ZNF521: variants seen among roughly 807,000 people sequenced by gnomAD.
The protein encoded by ZNF521 is LYST-interacting protein 3.
ZNF521 carries 14 observed loss-of-function variants against 105.5 expected under a neutral mutation model. The ratio of observed to expected loss-of-function variants is 0.13; its 90% CI spans 0.09 to 0.21. The LOEUF is 0.21. Among genes scored for constraint, ZNF521 ranks in the 10% least tolerant of loss-of-function variants. The pLI, the probability that ZNF521 is intolerant of heterozygous loss-of-function variation, is 1.00. For synonymous variants in ZNF521, 635 were observed against 606.0 expected, an observed-to-expected ratio of 1.05 and a Z score of -0.70; for missense variants, 1,233 against 1,629.7, an observed-to-expected ratio of 0.76 and a Z score of 4.19.
chr18:25,179,117 T>C (rs12606596), intron 5 of ZNF521, among the ~76,000 whole-genome samples: 3 of 10,284 alleles, frequency 2.9e-4, no homozygotes, highest in East Asian at 3.6e-3. Flanking sequence ...TCTTTATTCC[T>C]TTTTTTTTTT....
chr18:25,219,561 C>T (rs148263833), intron 4 of ZNF521, among the ~76,000 whole-genome samples: 121 of 152,174 alleles, frequency 8.0e-4, no homozygotes, highest in Middle Eastern at 3.4e-3. Context: ...AATTAGCTCA[C>T]GCCTGTAATC....
At chr18:25,071,987 GGGGCAGA>G (rs936580704) in intron 7 of ZNF521, among the ~76,000 whole-genome samples, 1 of 152,194 alleles carries the variant, frequency 6.6e-6, no homozygotes, top group African/African-American at 2.4e-5. Context: ...CAGAAGGCAG[GGGGCAGA>G]GGGCAGAGGG....
chr18:25,087,807 A>G (rs940433648), intron 7 of ZNF521, among the ~76,000 whole-genome samples: 1 of 152,244 alleles, frequency 6.6e-6, no homozygotes, highest in Non-Finnish European at 1.5e-5. Flanking sequence ...ATACAAGGTA[A>G]GATAGTAACT....
chr18:25,338,602 G>T (rs1914031140), intron 2 of ZNF521, among the ~76,000 whole-genome samples: 1 of 152,022 alleles, frequency 6.6e-6, no homozygotes, highest in Non-Finnish European at 1.5e-5. Context: ...GGTAAAGATG[G>T]GGATTCACCA....
intron 2 of ZNF521, among the ~76,000 whole-genome samples, chr18:25,325,181 T>C (rs1024619969): frequency 6.6e-6 from 1 of 152,208 alleles, no homozygotes; most frequent in Non-Finnish European, 1.5e-5. Context: ...GCCTCTACTT[T>C]CATGAAAAAC....
intron 3 of ZNF521, among the ~76,000 whole-genome samples, chr18:25,229,240 G>A (rs1906375635): frequency 6.6e-6 from 1 of 152,112 alleles, no homozygotes; most frequent in African/African-American, 2.4e-5. Context: ...AACAGATGAG[G>A]ATCATTCCTT....
At chr18:25,173,794 A>G (rs530016699) in intron 5 of ZNF521, among the ~76,000 whole-genome samples, 1 of 152,210 alleles carries the variant, frequency 6.6e-6, no homozygotes, top group Non-Finnish European at 1.5e-5. Flanking sequence ...TTTCTTTAAC[A>G]CAGAACATCC....
intron 5 of ZNF521, among the ~76,000 whole-genome samples, chr18:25,168,167 C>T (rs2035380858): frequency 6.6e-6 from 1 of 152,118 alleles, no homozygotes; most frequent in Non-Finnish European, 1.5e-5. Flanking sequence ...TGGCCCGTCC[C>T]TCTAGGGAGC....
chr18:25,340,815 T>C (rs150420290), intron 2 of ZNF521, among the ~76,000 whole-genome samples: 3 of 152,324 alleles, frequency 2.0e-5, no homozygotes, highest in East Asian at 3.9e-4. Context: ...AAAGCCACCA[T>C]AGAGGTCTGC....
At chr18:25,109,281 C>T (rs151148970) in intron 5 of ZNF521, among the ~76,000 whole-genome samples, 34 of 152,260 alleles carry the variant, frequency 2.2e-4, no homozygotes, top group South Asian at 8.3e-4. Context: ...GCAAAGGACA[C>T]GACTTCATTC....
At chr18:25,218,848 C>CA (rs990434655) in intron 4 of ZNF521, among the ~76,000 whole-genome samples, 6 of 151,574 alleles carry the variant, frequency 4.0e-5, no homozygotes, top group Admixed American at 6.6e-5. Context: ...CACTCCATCT[C>CA]AAAAAAAAGA....
At chr18:25,271,568 A>G (rs1909663373) in intron 3 of ZNF521, among the ~76,000 whole-genome samples, 1 of 152,216 alleles carries the variant, frequency 6.6e-6, no homozygotes, top group Non-Finnish European at 1.5e-5. Context: ...ACCAAAACAG[A>G]TATATAGACC....
intron 7 of ZNF521, among the ~76,000 whole-genome samples, chr18:25,074,828 C>T (rs1256556834): frequency 6.6e-6 from 1 of 152,098 alleles, no homozygotes; most frequent in Non-Finnish European, 1.5e-5. Context: ...TTTCCTCACC[C>T]CTTATGGTGC....
chr18:25,298,708 A>C (rs1911458489), intron 3 of ZNF521, among the ~76,000 whole-genome samples: 1 of 152,164 alleles, frequency 6.6e-6, no homozygotes. Flanking sequence ...TTCAGCAACA[A>C]TAATCATGAT....
At chr18:25,350,093 T>A (rs1476064254) in intron 2 of ZNF521, among the ~76,000 whole-genome samples, 3 of 151,542 alleles carry the variant, frequency 2.0e-5, no homozygotes, top group African/African-American at 7.3e-5. Context: ...AACACAGCCA[T>A]CAGATCGATA....
chr18:25,299,607 G>A (rs563350661), intron 3 of ZNF521, among the ~76,000 whole-genome samples: 3 of 152,148 alleles, frequency 2.0e-5, no homozygotes, highest in South Asian at 2.1e-4. Context: ...TACTGGTCAG[G>A]GTGAGAAACC....
At chr18:25,243,643 G>C (rs1040026218) in intron 3 of ZNF521, among the ~76,000 whole-genome samples, 3 of 152,130 alleles carry the variant, frequency 2.0e-5, no homozygotes, top group Non-Finnish European at 4.4e-5. Flanking sequence ...TCAGAAGATT[G>C]CTTAGATCAT....
intron 5 of ZNF521, among the ~76,000 whole-genome samples, chr18:25,140,238 A>T (rs899911752): frequency 1.3e-4 from 20 of 152,164 alleles, no homozygotes; most frequent in Non-Finnish European, 2.9e-5. Flanking sequence ...TCCCTTTCTT[A>T]TTCCACTCAG....
At chr18:25,211,449 C>T (rs919553397) in intron 4 of ZNF521, among the ~76,000 whole-genome samples, 1 of 152,104 alleles carries the variant, frequency 6.6e-6, no homozygotes, top group Non-Finnish European at 1.5e-5. Flanking sequence ...CCAGACAATC[C>T]GTTACTCTTT....
Sources: allele counts gnomAD v4.1 joint callset (sites outside exome capture counted in the v4.1 genomes callset), GRCh38; gene constraint gnomAD v4.1.1; transcripts MANE v1.5; gene names NCBI Gene and HGNC (gene_info 2026-07-23, HGNC 2026-07-21).